CTIF: variants seen among roughly 807,000 people sequenced by gnomAD.
The protein encoded by CTIF is cap binding complex dependent translation initiation factor.
CTIF carries 21 observed loss-of-function variants against 66.0 expected under a neutral mutation model. That is an observed-to-expected ratio of 0.32 (90% CI 0.23 to 0.46). The LOEUF (loss-of-function observed/expected upper bound fraction) is 0.46, where lower values mean the gene tolerates loss of function less well. CTIF is among the 20% of genes least tolerant of loss of function. The probability of loss-of-function intolerance (pLI) is 1.00; values close to 1 mark genes in which losing one functional copy is unlikely to be tolerated. For missense variants in CTIF, 739 were observed against 812.7 expected (o/e 0.91, Z 1.10); for synonymous variants, 345 against 326.4 (o/e 1.06, Z -0.62).
At chr18:48,563,484 G>GTTTT (rs1485684072) in intron 1 of CTIF, among the ~76,000 whole-genome samples, 1 of 151,834 alleles carries the variant, frequency 6.6e-6, no homozygotes, top group African/African-American at 2.4e-5. Context: ...GTTTTGTTTT[G>GTTTT]TTTTTTGGAC....
intron 7 of CTIF, among the ~76,000 whole-genome samples, chr18:48,738,445 C>T (rs1384092525): frequency 1.3e-5 from 2 of 152,158 alleles, no homozygotes; most frequent in African/African-American, 4.8e-5. Flanking sequence ...CTGACCTCAC[C>T]ATCTGCCCTC....
chr18:48,544,563 A>C (rs1420220939), intron 1 of CTIF, among the ~76,000 whole-genome samples: 1 of 152,210 alleles, frequency 6.6e-6, no homozygotes, highest in Non-Finnish European at 1.5e-5. Flanking sequence ...TCACTTACCC[A>C]AGGGGTAGGG....
chr18:48,851,537 C>A (rs923706344), intron 10 of CTIF, among the ~76,000 whole-genome samples: 3 of 152,104 alleles, frequency 2.0e-5, no homozygotes, highest in African/African-American at 7.2e-5. Context: ...TGGCTCTTCT[C>A]GAAATTTCTC....
At chr18:48,614,872 G>GTTGTT (rs1475215421) in intron 1 of CTIF, among the ~76,000 whole-genome samples, 2 of 151,864 alleles carry the variant, frequency 1.3e-5, no homozygotes, top group African/African-American at 4.8e-5. Flanking sequence ...TGGTTGGTTG[G>GTTGTT]TTGTTTTTTT....
At chr18:48,824,649 T>G (rs965948639) in intron 10 of CTIF, among the ~76,000 whole-genome samples, 1 of 152,100 alleles carries the variant, frequency 6.6e-6, no homozygotes, top group African/African-American at 2.4e-5. Context: ...TTTTTTGATT[T>G]TTTCTGAGAC....
chr18:48,553,897 G>C (rs1384116465), intron 1 of CTIF, among the ~76,000 whole-genome samples: 1 of 151,762 alleles, frequency 6.6e-6, no homozygotes, highest in Non-Finnish European at 1.5e-5. Flanking sequence ...TCCTGACCTC[G>C]TAATCTGCCT....
intron 9 of CTIF, among the ~76,000 whole-genome samples, chr18:48,781,203 C>T (rs1911177421): frequency 6.6e-6 from 1 of 152,226 alleles, no homozygotes; most frequent in African/African-American, 2.4e-5. Flanking sequence ...CAGCGCCAGC[C>T]CCTGTCTGTC....
chr18:48,615,652 G>T (rs1223208418), intron 1 of CTIF, among the ~76,000 whole-genome samples: 1 of 152,204 alleles, frequency 6.6e-6, no homozygotes, highest in African/African-American at 2.4e-5. Context: ...GAAAAGGGGA[G>T]TATTTGTCCC....
At chr18:48,756,679 G>T (rs1908396714) in intron 7 of CTIF, among the ~76,000 whole-genome samples, 1 of 152,164 alleles carries the variant, frequency 6.6e-6, no homozygotes, top group Admixed American at 6.5e-5. Context: ...ACACCCTGAG[G>T]GTAAAATGGA....
At chr18:48,853,765 T>G (rs1370871635) in intron 10 of CTIF, among the ~76,000 whole-genome samples, 2 of 152,198 alleles carry the variant, frequency 1.3e-5, no homozygotes, top group East Asian at 3.9e-4. Context: ...TGGTGAATGC[T>G]GTAGCTCCTG....
chr18:48,704,901 A>G (rs774128198), intron 6 of CTIF, among the ~76,000 whole-genome samples: 4 of 152,200 alleles, frequency 2.6e-5, no homozygotes, highest in Non-Finnish European at 5.9e-5. Flanking sequence ...CATGGGAGAG[A>G]GGCACAGGCC....
chr18:48,809,182 T>A (rs2068212144), intron 9 of CTIF, among the ~76,000 whole-genome samples: 5 of 152,212 alleles, frequency 3.3e-5, no homozygotes. Context: ...GTTAATTCTG[T>A]CATAAAAGAA....
intron 1 of CTIF, among the ~76,000 whole-genome samples, chr18:48,556,700 G>C (rs1191993245): frequency 6.6e-6 from 1 of 152,182 alleles, no homozygotes; most frequent in Non-Finnish European, 1.5e-5. Flanking sequence ...GAGTAGCTGA[G>C]ATTACAGGCA....
chr18:48,645,715 A>C (rs1158754163), intron 3 of CTIF, among the ~76,000 whole-genome samples: 3 of 152,212 alleles, frequency 2.0e-5, no homozygotes, highest in Admixed American at 1.3e-4. Flanking sequence ...ATAGTGAGTC[A>C]GACTTCATAG....
At chr18:48,614,807 T>C (rs1271675175) in intron 1 of CTIF, among the ~76,000 whole-genome samples, 1 of 152,242 alleles carries the variant, frequency 6.6e-6, no homozygotes, top group African/African-American at 2.4e-5. Context: ...CACTGAATTA[T>C]GTGTTCAAAA....
At position 48,757,952 on chromosome 18, in the gene CTIF, C is replaced by T; in HGVS notation, c.618C>T (p.Pro206=). ...AGAGACCTCCGGGGGGCAACAAGCC[C>T]CAACAGCATGGTGACCACCAGCCAG... is the stretch of plus-strand genomic sequence containing the variant. ...RQQRPPGGNK[P]QQHGDHQPGS... Residue 206 remains proline (P), a synonymous_variant, in exon 8 of 12, where the codon CCC becomes CCT. Coordinates refer to ENST00000256413, the MANE Select transcript of CTIF (RefSeq NM_014772.3). 1 of 1,613,656 alleles carries T rather than the reference C, an allele frequency of 6.2e-7. No individual in the cohort carries two copies. The highest frequency in any genetic ancestry group is 8.5e-7 in the Non-Finnish European group (1 of 1,179,812).
chr18:48,844,429 A>G (rs1009440315), intron 10 of CTIF, among the ~76,000 whole-genome samples: 18 of 152,270 alleles, frequency 1.2e-4, no homozygotes, highest in Admixed American at 8.5e-4. Context: ...CTGAGCCCCA[A>G]ATTATATTTC....
chr18:48,772,579 T>C (rs540010206), intron 9 of CTIF, among the ~76,000 whole-genome samples: 243 of 147,422 alleles, frequency 1.6e-3, no homozygotes, highest in Middle Eastern at 3.5e-3. Context: ...ATAGCACACA[T>C]GGGATATCAT....
intron 6 of CTIF, among the ~76,000 whole-genome samples, chr18:48,680,742 GC>G (rs2091726233): frequency 6.6e-6 from 1 of 152,262 alleles, no homozygotes; most frequent in African/African-American, 2.4e-5. Context: ...TGCCGGTCCA[GC>G]ATCTTCCCTC....
Sources: allele counts gnomAD v4.1 joint callset (sites outside exome capture counted in the v4.1 genomes callset), GRCh38; gene constraint gnomAD v4.1.1; transcripts MANE v1.5; gene names NCBI Gene and HGNC (gene_info 2026-07-23, HGNC 2026-07-21).